SGPL1: variants seen among roughly 807,000 people sequenced by gnomAD.
SGPL1 encodes the protein sphingosine-1-phosphate lyase 1.
A neutral mutation model predicts 68.9 loss-of-function variants in SGPL1; 37 were observed. The observed-to-expected ratio is 0.54, with a 90% CI of 0.41 to 0.71. The LOEUF is 0.71. SGPL1 is among the 30% of genes least tolerant of loss of function. The pLI is 0.00. For synonymous variants in SGPL1, 236 were observed against 248.5 expected (o/e 0.95, Z 0.47); for missense variants, 551 against 704.6 (o/e 0.78, Z 2.47).
rs1184234536 is a variant in SGPL1, at chr10:70,871,849, T to C, written c.922T>C (p.Tyr308His). Residue 308 changes from tyrosine to histidine, a missense_variant, in exon 11 of 15, where the codon TAC becomes CAC. Physicochemically the swap from Tyr to His is moderately conservative, Grantham distance 83. Coordinates refer to ENST00000373202, the MANE Select transcript of SGPL1 (RefSeq NM_003901.4). ...VPEVAKLAVKYKIPLHVDACL... is the reference protein window; with the variant it reads ...VPEVAKLAVKHKIPLHVDACL... Reference sequence around the variant, plus strand: ...TTTTTGGAACAAGCTGGCTGTCAAATACAAAATACCCCTTCATGTCGACGC... The same window carrying C: ...TTTTTGGAACAAGCTGGCTGTCAAACACAAAATACCCCTTCATGTCGACGC... 3 of 1,613,474 alleles carry C rather than the reference T, an allele frequency of 1.9e-6. No individual in the cohort carries two copies. Among genetic ancestry groups the C allele is most frequent in the African/African-American group, 1.3e-5 (1 of 74,974 alleles).
intron 8 of SGPL1, among the ~76,000 whole-genome samples, chr10:70,868,657 C>G (rs1045891292): frequency 6.6e-6 from 1 of 152,076 alleles, no homozygotes; most frequent in South Asian, 2.1e-4. Flanking sequence ...CCCGCCCCAC[C>G]CCCAGATCAT....
intron 5 of SGPL1, among the ~76,000 whole-genome samples, chr10:70,855,994 C>G (rs1026595532): frequency 2.6e-4 from 39 of 151,682 alleles, no homozygotes; most frequent in African/African-American, 9.0e-4. Flanking sequence ...TTGACAAATA[C>G]CCTTATTTTT....
At chr10:70,819,284 TA>T (rs1390062145) in intron 2 of SGPL1, among the ~76,000 whole-genome samples, 1 of 152,226 alleles carries the variant, frequency 6.6e-6, no homozygotes, top group South Asian at 2.1e-4. Flanking sequence ...TGTAAGGAAT[TA>T]ATCCACATAG....
intron 2 of SGPL1, among the ~76,000 whole-genome samples, chr10:70,834,523 A>C: frequency 6.6e-6 from 1 of 152,238 alleles, no homozygotes; most frequent in East Asian, 1.9e-4. Flanking sequence ...AGTACTTTTC[A>C]AACTAATTTC....
In SGPL1 at chr10:70,878,884, C is replaced by T. The variant is rs1846446909; in HGVS notation, c.*1549C>T. 4 of 152,760 alleles carry T rather than the reference C, an allele frequency of 2.6e-5. No homozygotes were observed. Among genetic ancestry groups the T allele is most frequent in the Admixed American group, 2.6e-4 (4 of 15,278 alleles). 9.5% of individuals were successfully genotyped at this position (152,760 alleles called of 1,614,324 possible). A position where few individuals can be genotyped will look rare whatever the true frequency, so the allele number is the denominator to read the frequency against. ...ATAGGAAAGCAGAATGGCGAGCAGC[C>T]TATGGCCCAGGGCCTGTAATCCCTT... On this transcript the variant is annotated 3_prime_UTR_variant, in exon 15 of 15. Coordinates refer to ENST00000373202, the MANE Select transcript of SGPL1 (RefSeq NM_003901.4).
intron 2 of SGPL1, among the ~76,000 whole-genome samples, chr10:70,834,358 G>A (rs1845591588): frequency 6.6e-6 from 1 of 152,168 alleles, no homozygotes; most frequent in South Asian, 2.1e-4. Flanking sequence ...GATTCTCTTG[G>A]GGGCTGTGCC....
chr10:70,853,424 C>T (rs1373106068), intron 4 of SGPL1, among the ~76,000 whole-genome samples: 3 of 152,206 alleles, frequency 2.0e-5, no homozygotes, highest in African/African-American at 7.2e-5. Flanking sequence ...CATGTAGCTT[C>T]TCTCCCCAAA....
At chr10:70,869,996 TTTGA>T (rs1846263763) in intron 9 of SGPL1, 99 bp downstream of exon 9, 1 of 852,660 alleles carries the variant, frequency 1.2e-6, no homozygotes, top group Non-Finnish European at 1.9e-6. Context: ...TCTGACTGCC[TTTGA>T]TTGTGGCAGC....
rs566545926 is a variant in SGPL1, at chr10:70,826,148, G to A, written c.27+9268G>A. Among the ~76,000 whole-genome samples the A allele has an allele frequency of 2.0e-4, 30 of 152,294 alleles. No individual in the cohort carries two copies. The East Asian group carries it at 5.4e-3, about 27-fold the overall frequency. ...TGCAGTGAGCCAAGGTCACACTACCGCACTCCAGCCTGGACGACAGAGTGA... is the reference window on the plus strand; with the variant it reads ...TGCAGTGAGCCAAGGTCACACTACCACACTCCAGCCTGGACGACAGAGTGA... On this transcript the variant is annotated intron_variant, in intron 2 of 14. Coordinates refer to ENST00000373202, the MANE Select transcript of SGPL1 (RefSeq NM_003901.4).
At chr10:70,843,135 G>A (rs978482646) in intron 2 of SGPL1, among the ~76,000 whole-genome samples, 3 of 152,048 alleles carry the variant, frequency 2.0e-5, no homozygotes, top group Non-Finnish European at 4.4e-5. Context: ...TTTGCCCTCT[G>A]TCATTATCTT....
At chr10:70,847,645 A>T (rs994165128) in intron 3 of SGPL1, among the ~76,000 whole-genome samples, 4 of 152,196 alleles carry the variant, frequency 2.6e-5, no homozygotes, top group African/African-American at 9.7e-5. Context: ...AAATCGTCAA[A>T]TGTTGACAAT....
chr10:70,876,831 G>A, intron 14 of SGPL1, among the ~76,000 whole-genome samples, 170 bp downstream of exon 14: 1 of 152,198 alleles, frequency 6.6e-6, no homozygotes, highest in East Asian at 1.9e-4. Flanking sequence ...CCTTAGGGTT[G>A]CTGAAGTCTC....
intron 7 of SGPL1, among the ~76,000 whole-genome samples, chr10:70,864,376 CTG>C (rs1349840746): frequency 6.6e-6 from 1 of 151,660 alleles, no homozygotes; most frequent in East Asian, 1.9e-4. Flanking sequence ...CTTTCAATCT[CTG>C]TCTTTTTTAA....
chr10:70,856,634 G>A (rs1317761306), intron 5 of SGPL1, among the ~76,000 whole-genome samples: 2 of 152,156 alleles, frequency 1.3e-5, no homozygotes, highest in Non-Finnish European at 2.9e-5. Context: ...AGTCAAACGG[G>A]CAGCAAGCCA....
chr10:70,863,975 G>T (rs1355606986), intron 7 of SGPL1, among the ~76,000 whole-genome samples: 3 of 152,128 alleles, frequency 2.0e-5, no homozygotes, highest in Non-Finnish European at 4.4e-5. Flanking sequence ...CAGGGTGAAA[G>T]CTAGTTTTGC....
intron 2 of SGPL1, among the ~76,000 whole-genome samples, chr10:70,829,167 G>C (rs530174694): frequency 2.0e-5 from 3 of 152,172 alleles, no homozygotes; most frequent in Non-Finnish European, 2.9e-5. Flanking sequence ...ACAGGTTTAC[G>C]ATCTGTAAAG....
Position 70,824,014 on chromosome 10 carries a change from A to G in SGPL1, c.27+7134A>G, listed in dbSNP as rs1411763630. Among the ~76,000 whole-genome samples the G allele has an allele frequency of 2.0e-5, 3 of 152,218 alleles. No homozygotes were observed. The East Asian group carries it at 5.8e-4, about 29-fold the overall frequency. On this transcript the variant is annotated intron_variant, in intron 2 of 14. Coordinates refer to ENST00000373202, the MANE Select transcript of SGPL1 (RefSeq NM_003901.4). ...CCATATTTGCATAAAATGTACTGCT[A>G]TTCTAAGTACATTCCTTTGTTAATA...
intron 12 of SGPL1, 96 bp from the exon 13 acceptor site, chr10:70,875,306 A>G (rs1237087823): frequency 2.5e-6 from 2 of 791,306 alleles, no homozygotes; most frequent in Non-Finnish European, 4.2e-6. Flanking sequence ...TGCATTCATT[A>G]TAAGGAAGAC....
At chr10:70,837,913 A>G (rs1845651623) in intron 2 of SGPL1, among the ~76,000 whole-genome samples, 1 of 152,134 alleles carries the variant, frequency 6.6e-6, no homozygotes, top group African/African-American at 2.4e-5. Flanking sequence ...CAGAAGGGCA[A>G]GTGAGCACGC....
Sources: gnomAD v4.1 joint callset for allele counts (sites outside exome capture counted in the v4.1 genomes callset) on GRCh38, gnomAD v4.1.1 for gene constraint, MANE v1.5 for transcripts, NCBI Gene and HGNC (gene_info 2026-07-23, HGNC 2026-07-21) for gene names.